The following ARAP3 variants were observed in gnomAD, a reference collection of about 807,000 sequenced individuals.
The protein encoded by ARAP3 is arf-GAP with Rho-GAP domain, ANK repeat and PH domain-containing protein 3.
ARAP3 carries 82 observed loss-of-function variants against 169.2 expected under a neutral mutation model. That is an observed-to-expected ratio of 0.48 (90% confidence interval 0.41 to 0.58). The LOEUF is 0.58. Among genes scored for constraint, ARAP3 ranks in the 20% least tolerant of loss-of-function variants. ARAP3 has a pLI of 0.00. For synonymous variants in ARAP3, 791 were observed against 800.3 expected (o/e 0.99, Z 0.20); for missense variants, 1,764 against 2,018.0 (o/e 0.87, Z 2.41).
At chr5:141,669,872 G>T (rs761624539) in intron 15 of ARAP3, 50 bp downstream of exon 15, 1 of 1,609,892 alleles carries the variant, frequency 6.2e-7, no homozygotes, top group South Asian at 1.1e-5. Context: ...TCAGGCTGGA[G>T]GTTGGGAAGA....
At chr5:141,670,675 T>A (rs752365105) in intron 13 of ARAP3, 47 bp from the exon 14 acceptor site, 17 of 1,521,494 alleles carry the variant, frequency 1.1e-5, no homozygotes, top group Non-Finnish European at 1.5e-5. Flanking sequence ...TGCAACGGGA[T>A]AACCTGACCC....
chr5:141,655,179 G>C, intron 32 of ARAP3, among the ~76,000 whole-genome samples, 183 bp downstream of exon 32: 1 of 52,978 alleles, frequency 1.9e-5, no homozygotes, highest in Non-Finnish European at 3.8e-5. Context: ...CACCCTGATG[G>C]CCTACACACA....
chr5:141,677,489 C>T (rs975534664), intron 4 of ARAP3, among the ~76,000 whole-genome samples: 1 of 152,104 alleles, frequency 6.6e-6, no homozygotes, highest in African/African-American at 2.4e-5. Context: ...TTCTCACATC[C>T]CAAGTTAATC....
rs375260150 is a variant in ARAP3 at position 141,654,302 on chromosome 5, G to A, written c.4283C>T (p.Thr1428Ile). ...IQDTSTSFSTTREWTVKPENP... is the reference protein window; with the variant it reads ...IQDTSTSFSTIREWTVKPENP... Reference sequence around the variant, plus strand: ...CTCTGGCTTCACTGTCCACTCCCGTGTGGTGGAGAAGGAGGTAGAAGTGTC... The same window carrying A: ...CTCTGGCTTCACTGTCCACTCCCGTATGGTGGAGAAGGAGGTAGAAGTGTC... The change falls in exon 33 of 33, where the codon ACA becomes ATA. Residue 1428 changes from threonine (T) to isoleucine (I), a missense_variant. Physicochemically the swap from Thr to Ile is moderately conservative, Grantham distance 89. Coordinates refer to ENST00000239440, the MANE Select transcript of ARAP3 (RefSeq NM_022481.6). 23 of 1,614,032 alleles carry A rather than the reference G, an allele frequency of 1.4e-5. No homozygotes were observed. The highest frequency in any genetic ancestry group is 1.9e-5 in the Non-Finnish European group (22 of 1,180,030).
chr5:141,673,940 C>T, intron 4 of ARAP3, 132 bp from the exon 5 acceptor site: 345 of 550,034 alleles, frequency 6.3e-4, no homozygotes, highest in South Asian at 2.2e-3. Context: ...ATTTTCTTTT[C>T]TTTTTCTTTT....
rs756338786 is a variant in ARAP3, at chr5:141,655,854, T to C, written c.3972+15A>G. 5.0e-6 allele frequency: 8 copies of C among 1,613,920 alleles called. No individual in the cohort carries two copies. The South Asian group carries it at 8.8e-5, about 18-fold the overall frequency. On this transcript the variant is annotated intron_variant, in intron 30 of 32. Transcript: ENST00000239440. Reference sequence around the variant, plus strand: ...GGACCACAGACCCAGCCCTCAGCCTTTTCTTTCCCCTCACCTGGGCTTTAA... The same window carrying C: ...GGACCACAGACCCAGCCCTCAGCCTCTTCTTTCCCCTCACCTGGGCTTTAA...
chr5:141,665,023 C>T lies in ARAP3; in HGVS notation c.2699G>A (p.Gly900Asp). 6.2e-7 allele frequency: 1 copy of T among 1,614,006 alleles called. No homozygotes were observed. The highest frequency in any genetic ancestry group is 1.1e-5 in the South Asian group (1 of 91,056). Residue 900 changes from glycine to aspartate, a missense_variant, in exon 19 of 33, where the codon GGC (glycine) becomes GAC (aspartate). Around this residue, in one of 3 missense-constraint regions of ARAP3, gnomAD observed 1,112 missense variants for 1,285.7 expected, o/e 0.86. Transcript: ENST00000239440. ...CCCTGTGCCGCCCCCACCAGCCGCG[C>T]CCCCAATGGCTGCGTTCCATGCCGT... ...DFTAWNAAIG[G>D]AAGGGGTGLQ... is the part of the protein sequence containing the mutation.
chr5:141,670,822 G>A (rs2099911328), intron 13 of ARAP3, among the ~76,000 whole-genome samples, 194 bp from the exon 14 acceptor site: 1 of 152,146 alleles, frequency 6.6e-6, no homozygotes. Context: ...ATGAGACAGG[G>A]AGGCCTCTGG....
intron 20 of ARAP3, 106 bp downstream of exon 20, chr5:141,661,937 C>G: frequency 6.6e-7 from 1 of 1,525,220 alleles, no homozygotes; most frequent in South Asian, 1.2e-5. Context: ...CTGGATGATC[C>G]CCCAGGGTGG....
chr5:141,665,442 T>A (rs2099910503), intron 17 of ARAP3, 68 bp from the exon 18 acceptor site: 1 of 1,528,248 alleles, frequency 6.5e-7, no homozygotes, highest in Admixed American at 1.7e-5. Context: ...ATTTATTAAA[T>A]GCTTAACGTG....
rs1410388883 is a variant in ARAP3, at chr5:141,680,411, G to A, written c.76C>T (p.Arg26Ter). ...VHLEQYADTF[R>*]RHGLATAGAA... ...CCTGCTGTAGCCAGGCCATGCCGTCGGAACGTGTCTGCATACTGCTCCAGG... is the reference window on the plus strand; with the variant it reads ...CCTGCTGTAGCCAGGCCATGCCGTCAGAACGTGTCTGCATACTGCTCCAGG... The change falls in exon 2 of 33, where the codon CGA (arginine) becomes TGA (stop). Residue 26 changes from arginine (R) to a stop codon, truncating the protein, a stop_gained. Coordinates refer to ENST00000239440, the MANE Select transcript of ARAP3 (RefSeq NM_022481.6). LOFTEE classifies it high-confidence loss of function. 10 of 1,613,624 alleles carry A rather than the reference G, an allele frequency of 6.2e-6. No homozygotes were observed. Among genetic ancestry groups the A allele is most frequent in the East Asian group, 2.2e-5 (1 of 44,880 alleles).
At position 141,656,863 on chromosome 5, in the gene ARAP3, A is replaced by T; in HGVS notation, c.3527-17T>A. 6.2e-7 allele frequency: 1 copy of T among 1,610,488 alleles called. No homozygotes were observed. Among genetic ancestry groups the T allele is most frequent in the Non-Finnish European group, 8.5e-7 (1 of 1,178,014 alleles). ...GTGGCCGCTCTTAAGGGGAAAGGTG[A>T]GGGTTTATATATCAATCAGAATATC... On this transcript the variant is annotated splice_polypyrimidine_tract_variant and intron_variant, in intron 25 of 32. Transcript: ENST00000239440.
At chr5:141,679,284 G>A (rs181319580) in intron 4 of ARAP3, among the ~76,000 whole-genome samples, 4 of 152,200 alleles carry the variant, frequency 2.6e-5, no homozygotes, top group Non-Finnish European at 4.4e-5. Flanking sequence ...GCAAGACTCC[G>A]TCTCAAAAAG....
chr5:141,668,280 T>A (rs2099910946), intron 16 of ARAP3, among the ~76,000 whole-genome samples: 1 of 152,048 alleles, frequency 6.6e-6, no homozygotes, highest in African/African-American at 2.4e-5. Flanking sequence ...CTAATTCTTA[T>A]TTTTTGTAGA....
At chr5:141,654,473 TA>T (rs79862920) in intron 32 of ARAP3, 38 bp from the exon 33 acceptor site, 1 of 1,520,790 alleles carries the variant, frequency 6.6e-7, no homozygotes, top group African/African-American at 1.4e-5. Context: ...GGCACATAGT[TA>T]AAGTTACCAG....
chr5:141,656,699 G>A lies in ARAP3; in HGVS notation c.3655+19C>T. The A allele has an allele frequency of 6.2e-7, 1 of 1,612,806 alleles. No homozygotes were observed. The highest frequency in any genetic ancestry group is 8.5e-7 in the Non-Finnish European group (1 of 1,179,538). On this transcript the variant is annotated intron_variant, in intron 26 of 32. Transcript: ENST00000239440. ...AGGGGAGAGACCTGGGGGATGCTGG[G>A]CAGAGGAAGGAGGCTCACCTGTGAA...
intron 17 of ARAP3, 56 bp downstream of exon 17, chr5:141,666,368 T>TCCATGCAC: frequency 7.2e-7 from 1 of 1,391,892 alleles, no homozygotes; most frequent in Non-Finnish European, 9.5e-7. Flanking sequence ...AAGGTCTGCT[T>TCCATGCAC]CCATGCACCC....
chr5:141,679,496 A>C, intron 4 of ARAP3, 49 bp downstream of exon 4: 70 of 1,568,040 alleles, frequency 4.5e-5, no homozygotes, highest in Non-Finnish European at 5.7e-5. Flanking sequence ...CATGGCCGCC[A>C]CCGACTCACC....
chr5:141,656,299 C>T (rs1264613630), intron 27 of ARAP3, 23 bp from the exon 28 acceptor site: 4 of 1,613,136 alleles, frequency 2.5e-6, no homozygotes, highest in East Asian at 2.2e-5. Context: ...ACAGAGTCAG[C>T]GAGATGGAGA....
Sources: allele counts gnomAD v4.1 joint callset (sites outside exome capture counted in the v4.1 genomes callset), GRCh38; gene constraint gnomAD v4.1.1; regional missense constraint gnomAD v4.1.1; transcripts MANE v1.5; gene names NCBI Gene and HGNC (gene_info 2026-07-23, HGNC 2026-07-21).